The following TENM3 variants were observed in gnomAD, a reference collection of about 807,000 sequenced individuals.
TENM3 encodes the protein teneurin transmembrane protein 3.
Under a neutral mutation model 255.1 loss-of-function variants are expected in TENM3, and 63 were observed. That is an observed-to-expected ratio of 0.25 (90% CI 0.20 to 0.30). The LOEUF (loss-of-function observed/expected upper bound fraction) is 0.30, where lower values mean the gene tolerates loss of function less well. TENM3 is among the 10% of genes least tolerant of loss of function. TENM3 has a pLI of 1.00. For missense variants in TENM3, 2,929 were observed against 3,461.1 expected (o/e 0.85, Z 3.86); for synonymous variants, 1,306 against 1,322.3 (o/e 0.99, Z 0.27).
intron 3 of TENM3, among the ~76,000 whole-genome samples, chr4:182,526,163 G>A (rs1264812852): frequency 1.3e-5 from 2 of 151,944 alleles, no homozygotes; most frequent in African/African-American, 2.4e-5. Context: ...TGTATTTTTA[G>A]TAGAGACGGG....
the TENM3 span, among the ~76,000 whole-genome samples, chr4:182,104,427 AG>A: frequency 6.6e-6 from 1 of 152,058 alleles, no homozygotes; most frequent in Non-Finnish European, 1.5e-5. Context: ...TTCTATAAAA[AG>A]TCAGAGAACT....
At chr4:181,975,684 AG>A in the TENM3 span, 1 of 152,444 alleles carries the variant, frequency 6.6e-6, no homozygotes, top group African/African-American at 2.4e-5. Flanking sequence ...TGAGAGATGG[AG>A]GGACTCAGGC....
At chr4:182,719,413 C>G (rs1041116310) in intron 13 of TENM3, among the ~76,000 whole-genome samples, 2 of 151,764 alleles carry the variant, frequency 1.3e-5, no homozygotes, top group African/African-American at 4.8e-5. Flanking sequence ...AGGCGCCCAC[C>G]ACCACGCCCT....
intron 1 of TENM3, among the ~76,000 whole-genome samples, chr4:182,293,390 C>T (rs1761249231): frequency 6.6e-6 from 1 of 152,164 alleles, no homozygotes; most frequent in Non-Finnish European, 1.5e-5. Flanking sequence ...GTAAAACAAA[C>T]CTTCCATGCA....
chr4:182,081,569 G>A, the TENM3 span, among the ~76,000 whole-genome samples: 2 of 130,490 alleles, frequency 1.5e-5, no homozygotes, highest in African/African-American at 2.9e-5. Context: ...GGGCGACAGA[G>A]TGAGGCTCTG....
the TENM3 span, among the ~76,000 whole-genome samples, chr4:182,075,207 T>TTTTC: frequency 6.8e-6 from 1 of 147,886 alleles, no homozygotes; most frequent in Non-Finnish European, 1.5e-5. Flanking sequence ...TTTCTTTTTT[T>TTTTC]TTTTTTTTTG....
the TENM3 span, among the ~76,000 whole-genome samples, chr4:181,832,359 C>G: frequency 6.6e-6 from 1 of 152,146 alleles, no homozygotes; most frequent in Non-Finnish European, 1.5e-5. Context: ...TATGCAACAG[C>G]TGGGTTTCTT....
intron 3 of TENM3, among the ~76,000 whole-genome samples, chr4:182,446,302 C>T (rs1420409534): frequency 1.3e-5 from 2 of 152,198 alleles, no homozygotes; most frequent in Non-Finnish European, 2.9e-5. Context: ...CTCCAGTACA[C>T]TCCAATATAA....
chr4:181,544,191 C>T, the TENM3 span, among the ~76,000 whole-genome samples: 1 of 151,914 alleles, frequency 6.6e-6, no homozygotes, highest in East Asian at 1.9e-4. Context: ...TTCTTAACAT[C>T]ATATCAAGGT....
the TENM3 span, among the ~76,000 whole-genome samples, chr4:181,755,698 G>A: frequency 6.6e-6 from 1 of 151,964 alleles, no homozygotes; most frequent in Admixed American, 6.6e-5. Context: ...ATCAATACAT[G>A]CATTTCTGTC....
the TENM3 span, among the ~76,000 whole-genome samples, chr4:181,505,834 C>T: frequency 1.3e-5 from 2 of 152,170 alleles, no homozygotes; most frequent in Non-Finnish European, 2.9e-5. Context: ...AAAACATCAG[C>T]TATCCCAAAA....
intron 3 of TENM3, among the ~76,000 whole-genome samples, chr4:182,445,487 A>C (rs530479618): frequency 1.6e-4 from 25 of 152,314 alleles, no homozygotes; most frequent in African/African-American, 5.3e-4. Flanking sequence ...TAATAATCTC[A>C]GTGTCGGTTA....
intron 3 of TENM3, among the ~76,000 whole-genome samples, chr4:182,407,503 A>G (rs1233923841): frequency 6.6e-6 from 1 of 152,206 alleles, no homozygotes; most frequent in Non-Finnish European, 1.5e-5. Context: ...CAAGAAAGAA[A>G]ATGTCACATT....
intron 3 of TENM3, among the ~76,000 whole-genome samples, chr4:182,594,053 C>T (rs1323157382): frequency 1.3e-5 from 2 of 152,102 alleles, no homozygotes; most frequent in African/African-American, 4.8e-5. Context: ...ATCCTGTGGC[C>T]ATACTAGCTA....
At chr4:182,658,619 G>C (rs895666751) in intron 6 of TENM3, among the ~76,000 whole-genome samples, 23 of 152,140 alleles carry the variant, frequency 1.5e-4, no homozygotes, top group Non-Finnish European at 3.1e-4. Context: ...AACTACTTTG[G>C]TTATCTATTA....
At chr4:182,373,171 G>GAGA (rs1177139420) in intron 3 of TENM3, among the ~76,000 whole-genome samples, 1 of 152,338 alleles carries the variant, frequency 6.6e-6, no homozygotes, top group East Asian at 1.9e-4. Context: ...TTGCTTTGCA[G>GAGA]AGAAGAAGTT....
intron 1 of TENM3, among the ~76,000 whole-genome samples, chr4:182,206,831 T>A (rs1286376621): frequency 6.6e-6 from 1 of 152,220 alleles, no homozygotes; most frequent in East Asian, 1.9e-4. Flanking sequence ...GCCAGAGAAT[T>A]TGGCATATCA....
At chr4:182,368,154 C>G (rs776358258) in intron 3 of TENM3, among the ~76,000 whole-genome samples, 2 of 152,168 alleles carry the variant, frequency 1.3e-5, no homozygotes, top group Non-Finnish European at 2.9e-5. Flanking sequence ...TTCCTGTACT[C>G]TTGACTTTGT....
At chr4:182,522,960 T>A (rs1384287511) in intron 3 of TENM3, among the ~76,000 whole-genome samples, 1 of 152,172 alleles carries the variant, frequency 6.6e-6, no homozygotes, top group Non-Finnish European at 1.5e-5. Flanking sequence ...ACCAGAATTT[T>A]TTGTTTTTTT....
Sources: gnomAD v4.1 joint callset for allele counts (sites outside exome capture counted in the v4.1 genomes callset) on GRCh38, gnomAD v4.1.1 for gene constraint, MANE v1.5 for transcripts, NCBI Gene and HGNC (gene_info 2026-07-23, HGNC 2026-07-21) for gene names.